Variants in XPO1 observed in about 807,000 individuals in gnomAD.
XPO1 encodes exportin 1.
A neutral mutation model predicts 133.3 loss-of-function variants in XPO1; 5 were observed. The ratio of observed to expected loss-of-function variants is 0.04; its 90% CI spans 0.02 to 0.08. The LOEUF is 0.08. XPO1 is among the 10% of genes least tolerant of loss of function. The pLI, the probability that XPO1 is intolerant of heterozygous loss-of-function variation, is 1.00. For synonymous variants in XPO1, 419 were observed against 408.2 expected (o/e 1.03, Z -0.32); for missense variants, 506 against 1,267.5 (o/e 0.40, Z 9.12).
At chr2:61,521,359 G>T (rs560040451) in intron 4 of XPO1, among the ~76,000 whole-genome samples, 1 of 152,022 alleles carries the variant, frequency 6.6e-6, no homozygotes, top group South Asian at 2.1e-4. Flanking sequence ...AATAATCAAA[G>T]AAATTAGACA....
At chr2:61,490,606 C>T in intron 17 of XPO1, 36 bp downstream of exon 17, 10 of 1,613,060 alleles carry the variant, frequency 6.2e-6, no homozygotes, top group Non-Finnish European at 8.5e-6. Flanking sequence ...TTGTTAAATC[C>T]CATGAAAACT....
At chr2:61,509,971 G>A (rs1698008278) in intron 4 of XPO1, among the ~76,000 whole-genome samples, 1 of 152,094 alleles carries the variant, frequency 6.6e-6, no homozygotes, top group Non-Finnish European at 1.5e-5. Context: ...TTTATTACAA[G>A]TATCAGTCCA....
At chr2:61,483,192 CCTT>C in intron 21 of XPO1, 101 bp from the exon 22 acceptor site, 7 of 1,361,234 alleles carry the variant, frequency 5.1e-6, no homozygotes, top group Non-Finnish European at 6.9e-6. Context: ...CCCTGTTCTC[CCTT>C]TTTTTTGGGA....
intron 3 of XPO1, among the ~76,000 whole-genome samples, chr2:61,524,926 T>A (rs1698852014): frequency 1.3e-5 from 2 of 152,112 alleles, no homozygotes; most frequent in Non-Finnish European, 1.5e-5. Context: ...CAAAGAATTT[T>A]TTTTCTTTTT....
At chr2:61,510,409 A>C (rs1279173259) in intron 4 of XPO1, among the ~76,000 whole-genome samples, 1 of 152,240 alleles carries the variant, frequency 6.6e-6, no homozygotes, top group Non-Finnish European at 1.5e-5. Flanking sequence ...AATATTAATA[A>C]GAACAATGCC....
chr2:61,485,688 A>G (rs984667434), intron 20 of XPO1, 80 bp downstream of exon 20: 27 of 1,145,116 alleles, frequency 2.4e-5, no homozygotes, highest in Non-Finnish European at 3.4e-5. Flanking sequence ...ATTATGTTAT[A>G]TCCACAGACA....
At chr2:61,479,013 G>C in intron 24 of XPO1, 47 bp from the exon 25 acceptor site, 1 of 1,584,452 alleles carries the variant, frequency 6.3e-7, no homozygotes, top group Admixed American at 1.8e-5. Context: ...ACTTCAACTT[G>C]CAAAGAAAGA....
At position 61,493,969 on chromosome 2, in the gene XPO1, G is replaced by A. The variant is rs372642015; in HGVS notation, c.1170C>T (p.Ala390=). 3.1e-6 allele frequency: 5 copies of A among 1,613,936 alleles called. No homozygotes were observed. Among genetic ancestry groups the A allele is most frequent in the Non-Finnish European group, 4.2e-6 (5 of 1,180,008 alleles). ...LYRESPFSTS[A]SPLLSGSQHF... is the part of the protein sequence containing the mutation. ...GTTGACTTCCAGAAAGCAACGGAGA[G>A]GCAGATGTAGAGAATGGACTCTCTC... Residue 390 remains alanine, a synonymous_variant, in exon 12 of 25, where the codon GCC becomes GCT. Coordinates refer to ENST00000401558, the MANE Select transcript of XPO1 (RefSeq NM_003400.4).
chr2:61,495,756 C>G, intron 10 of XPO1, 143 bp from the exon 11 acceptor site: 1 of 761,408 alleles, frequency 1.3e-6, no homozygotes, highest in South Asian at 3.8e-5. Flanking sequence ...ACTGCAGCCT[C>G]CACCTCCTAG....
intron 4 of XPO1, 82 bp from the exon 5 acceptor site, chr2:61,502,392 G>T: frequency 7.7e-7 from 1 of 1,298,352 alleles, no homozygotes; most frequent in Non-Finnish European, 1.1e-6. Context: ...TAATTAATGT[G>T]GGAATGGAAA....
At chr2:61,509,192 A>G (rs1697969018) in intron 4 of XPO1, among the ~76,000 whole-genome samples, 1 of 150,896 alleles carries the variant, frequency 6.6e-6, no homozygotes. Context: ...TTAGGTAAAG[A>G]CAAGGTTTCA....
At chr2:61,494,513 C>A in intron 11 of XPO1, 1 of 161,922 alleles carries the variant, frequency 6.2e-6, no homozygotes, top group Non-Finnish European at 1.3e-5. Context: ...ACATTGAAAA[C>A]ACAACACCAA....
At chr2:61,488,378 C>T in intron 18 of XPO1, 107 bp from the exon 19 acceptor site, 16 of 1,241,694 alleles carry the variant, frequency 1.3e-5, no homozygotes, top group Non-Finnish European at 1.8e-5. Context: ...AGTTTAAAGC[C>T]AAAAGTTCAC....
intron 2 of XPO1, among the ~76,000 whole-genome samples, chr2:61,530,525 CAT>C (rs2104816624): frequency 6.6e-6 from 1 of 152,144 alleles, no homozygotes; most frequent in South Asian, 2.1e-4. Context: ...TTGGAGAAAA[CAT>C]CCAACTCTTC....
chr2:61,519,698 C>CA (rs753424450), intron 4 of XPO1, among the ~76,000 whole-genome samples: 1,224 of 72,594 alleles, frequency 0.017, 85 homozygotes, highest in African/African-American at 0.041. Flanking sequence ...GACTCCGTCT[C>CA]AAAAAAAAAA....
intron 9 of XPO1, 119 bp from the exon 10 acceptor site, chr2:61,497,126 C>T (rs1697277404): frequency 7.8e-7 from 1 of 1,277,852 alleles, no homozygotes; most frequent in Non-Finnish European, 1.0e-6. Flanking sequence ...ATGTCAAAAA[C>T]AGGCCAAGTG....
At chr2:61,507,538 T>G (rs987376063) in intron 4 of XPO1, among the ~76,000 whole-genome samples, 1 of 151,998 alleles carries the variant, frequency 6.6e-6, no homozygotes, top group African/African-American at 2.4e-5. Context: ...GTCACTGCAC[T>G]TCAGCCTGGG....
At chr2:61,496,228 AAG>A (rs1258156954) in intron 10 of XPO1, among the ~76,000 whole-genome samples, 1 of 151,724 alleles carries the variant, frequency 6.6e-6, no homozygotes, top group African/African-American at 2.4e-5. Context: ...TGTTTTTTAA[AAG>A]AGACAGGGAT....
At position 61,493,981 on chromosome 2, in the gene XPO1, G is replaced by A. The variant is rs1467352587; in HGVS notation, c.1158C>T (p.Phe386=). 6.2e-7 allele frequency: 1 copy of A among 1,614,100 alleles called. No individual in the cohort carries two copies. The highest frequency in any genetic ancestry group is 8.5e-7 in the Non-Finnish European group (1 of 1,180,000). ...AAAGCAACGGAGAGGCAGATGTAGAGAATGGACTCTCTCTATAGAGTTCAG... is the reference window on the plus strand; with the variant it reads ...AAAGCAACGGAGAGGCAGATGTAGAAAATGGACTCTCTCTATAGAGTTCAG... The part of the protein sequence containing the change: ...LAAELYRESP[F]STSASPLLSG... The change falls in exon 12 of 25, where the codon TTC becomes TTT. Residue 386 remains phenylalanine, a synonymous_variant. Coordinates refer to ENST00000401558, the MANE Select transcript of XPO1 (RefSeq NM_003400.4).
Sources: gnomAD v4.1 joint callset for allele counts (sites outside exome capture counted in the v4.1 genomes callset) on GRCh38, gnomAD v4.1.1 for gene constraint, MANE v1.5 for transcripts, NCBI Gene and HGNC (gene_info 2026-07-23, HGNC 2026-07-21) for gene names.